The following PAFAH2 variants were observed in gnomAD, a reference collection of about 807,000 sequenced individuals.
PAFAH2 encodes the protein platelet activating factor acetylhydrolase 2, also known as platelet-activating factor acetylhydrolase 2, cytoplasmic.
In PAFAH2, 42 loss-of-function variants were observed where a neutral mutation model predicts 49.0. The ratio of observed to expected loss-of-function variants is 0.86; its 90% CI spans 0.67 to 1.11. The LOEUF (loss-of-function observed/expected upper bound fraction) is 1.11, where lower values mean the gene tolerates loss of function less well. Among genes scored for constraint, PAFAH2 ranks in the 50% least tolerant of loss-of-function variants. The pLI is 0.00. For synonymous variants in PAFAH2, 184 were observed against 181.3 expected (o/e 1.01, Z -0.12); for missense variants, 503 against 501.8 (o/e 1.00, Z -0.02).
In PAFAH2 at chr1:25,961,824, A is replaced by T. The variant is rs936600257; in HGVS notation, c.*165T>A. 1.8e-6 allele frequency: 1 copy of T among 562,384 alleles called. No individual in the cohort carries two copies. The highest frequency in any genetic ancestry group is 5.0e-4 in the Middle Eastern group (1 of 2,000). The allele number at this position is 562,384 out of a possible 1,614,324, so 34.8% of individuals were successfully genotyped here. A position where few individuals can be genotyped will look rare whatever the true frequency, so the allele number is the denominator to read the frequency against. Reference sequence around the variant, plus strand: ...AGTCCCAAAGTGATTTTAAGATCAAATCTAAGATCAAAGTACCCAGTTATC... The same window carrying T: ...AGTCCCAAAGTGATTTTAAGATCAATTCTAAGATCAAAGTACCCAGTTATC... On this transcript the variant is annotated 3_prime_UTR_variant, in exon 11 of 11. Transcript: ENST00000374282.
At chr1:25,965,209 A>G (rs958567788) in intron 10 of PAFAH2, among the ~76,000 whole-genome samples, 1 of 152,238 alleles carries the variant, frequency 6.6e-6, no homozygotes, top group African/African-American at 2.4e-5. Context: ...TTGGATAGCC[A>G]TATGAAGAAG....
At chr1:25,981,090 G>T (rs1180722695) in intron 7 of PAFAH2, among the ~76,000 whole-genome samples, 1 of 152,022 alleles carries the variant, frequency 6.6e-6, no homozygotes, top group Admixed American at 6.6e-5. Flanking sequence ...GCAAGACCCT[G>T]TCTCTAAAAA....
intron 7 of PAFAH2, among the ~76,000 whole-genome samples, chr1:25,978,931 G>T (rs1444468092): frequency 6.6e-6 from 1 of 152,238 alleles, no homozygotes; most frequent in Non-Finnish European, 1.5e-5. Flanking sequence ...ACTGGTGAAT[G>T]TTTAGGTTAC....
At chr1:25,977,320 A>C (rs2049609021) in intron 7 of PAFAH2, among the ~76,000 whole-genome samples, 1 of 150,184 alleles carries the variant, frequency 6.7e-6, no homozygotes, top group South Asian at 2.2e-4. Context: ...TTGTAATCTC[A>C]CCACCTAACA....
intron 7 of PAFAH2, among the ~76,000 whole-genome samples, chr1:25,978,187 G>C (rs2049625403): frequency 6.6e-6 from 1 of 151,756 alleles, no homozygotes; most frequent in Admixed American, 6.6e-5. Flanking sequence ...ATCTTGGTTG[G>C]ATGGCCTCTT....
intron 8 of PAFAH2, 68 bp from the exon 9 acceptor site, chr1:25,974,718 G>A (rs2049563149): frequency 6.8e-7 from 1 of 1,479,440 alleles, no homozygotes; most frequent in Non-Finnish European, 9.2e-7. Context: ...GGTGGTGGAG[G>A]GAAGGGCGGA....
intron 7 of PAFAH2, among the ~76,000 whole-genome samples, chr1:25,979,093 A>G (rs1283843370): frequency 6.6e-6 from 1 of 152,240 alleles, no homozygotes; most frequent in African/African-American, 2.4e-5. Flanking sequence ...TGTTGATGAT[A>G]TCAATTGCCA....
intron 7 of PAFAH2, among the ~76,000 whole-genome samples, chr1:25,980,698 C>T (rs1255420777): frequency 1.3e-5 from 2 of 149,888 alleles, no homozygotes; most frequent in Non-Finnish European, 3.0e-5. Context: ...CATTCTTATT[C>T]ATACAATACA....
rs1442093402 is a variant in PAFAH2, at chr1:25,961,998, G to A, written c.1170C>T (p.Ser390=). ...AAATGGCCAGTTGTGCCTACAGGCT[G>A]GACAGATGGTGGGGGGCCCCTGGGG... The part of the protein sequence containing the change: ...SLTPGAPHHL[S]SL The change falls in exon 11 of 11, where the codon TCC becomes TCT. Residue 390 remains serine (S), a synonymous_variant. Transcript: ENST00000374282. 2 of 1,613,528 alleles carry A rather than the reference G, an allele frequency of 1.2e-6. No homozygotes were observed. Among genetic ancestry groups the A allele is most frequent in the Admixed American group, 1.7e-5 (1 of 59,996 alleles).
chr1:25,991,303 A>T (rs1196842857), intron 1 of PAFAH2, among the ~76,000 whole-genome samples: 1 of 151,232 alleles, frequency 6.6e-6, no homozygotes, highest in Non-Finnish European at 1.5e-5. Context: ...TTTTTTTGAG[A>T]CGGAGTCTCG....
chr1:25,984,177 C>T, intron 5 of PAFAH2, 90 bp from the exon 6 acceptor site: 1 of 1,469,896 alleles, frequency 6.8e-7, no homozygotes, highest in Non-Finnish European at 9.5e-7. Flanking sequence ...ATCCAGGAGG[C>T]TCTAGATCAC....
At chr1:25,988,672 G>A (rs144668361) in intron 3 of PAFAH2, among the ~76,000 whole-genome samples, 166 of 151,806 alleles carry the variant, frequency 1.1e-3, no homozygotes, top group Middle Eastern at 3.4e-3. Flanking sequence ...GCGTGGTGGC[G>A]GGCTCCTATA....
chr1:25,981,737 G>A (rs2049691197), intron 7 of PAFAH2, among the ~76,000 whole-genome samples: 1 of 152,144 alleles, frequency 6.6e-6, no homozygotes, highest in South Asian at 2.1e-4. Flanking sequence ...ACCTGGAGCT[G>A]ATGCCTGGCG....
intron 8 of PAFAH2, among the ~76,000 whole-genome samples, chr1:25,975,413 TAAAA>T (rs112299425): frequency 1.4e-5 from 2 of 147,174 alleles, no homozygotes; most frequent in African/African-American, 5.0e-5. Flanking sequence ...CACCATCTCT[TAAAA>T]AAAAAAATTA....
At chr1:25,984,576 A>G (rs2124355262) in intron 4 of PAFAH2, 48 bp from the exon 5 acceptor site, 6 of 1,446,532 alleles carry the variant, frequency 4.1e-6, no homozygotes, top group Non-Finnish European at 5.8e-6. Context: ...AGAACAGCCC[A>G]GCCTTCACCC....
Position 25,975,878 on chromosome 1 carries a change from C to T in PAFAH2, c.758+804G>A, listed in dbSNP as rs554407813. ...AAATCTTCAACAGTTTCCCATCATA[C>T]GTAGAATAAAATATACACCTCCTTA... On this transcript the variant is annotated intron_variant, in intron 8 of 10. Transcript: ENST00000374282. Among the ~76,000 whole-genome samples, 7 of 152,212 alleles carry T rather than the reference C, an allele frequency of 4.6e-5. No individual in the cohort carries two copies. The East Asian group carries it at 7.7e-4, about 17-fold the overall frequency.
intron 7 of PAFAH2, among the ~76,000 whole-genome samples, chr1:25,978,845 T>C (rs2049636571): frequency 6.6e-6 from 1 of 152,240 alleles, no homozygotes; most frequent in Admixed American, 6.5e-5. Flanking sequence ...CACTGAAATG[T>C]GGCGTTTACA....
At chr1:25,979,317 GCCTTT>G (rs2049643716) in intron 7 of PAFAH2, among the ~76,000 whole-genome samples, 1 of 145,978 alleles carries the variant, frequency 6.9e-6, no homozygotes, top group Non-Finnish European at 1.5e-5. Flanking sequence ...ATTTACCAAT[GCCTTT>G]TTTTTTTTTT....
At chr1:25,977,653 CAA>C (rs534687608) in intron 7 of PAFAH2, among the ~76,000 whole-genome samples, 45 of 60,460 alleles carry the variant, frequency 7.4e-4, no homozygotes, top group Admixed American at 1.5e-3. Flanking sequence ...ACCCTGTCTC[CAA>C]AAAAAAAAAA....
Sources: gnomAD v4.1 joint callset for allele counts (sites outside exome capture counted in the v4.1 genomes callset) on GRCh38, gnomAD v4.1.1 for gene constraint, MANE v1.5 for transcripts, NCBI Gene and HGNC (gene_info 2026-07-23, HGNC 2026-07-21) for gene names.